Variants in SIM1 observed in about 807,000 individuals in gnomAD.
SIM1 encodes the protein SIM bHLH transcription factor 1.
In SIM1, 18 loss-of-function variants were observed where a neutral mutation model predicts 78.2. The observed-to-expected ratio is 0.23, with a 90% CI of 0.16 to 0.34. The LOEUF (loss-of-function observed/expected upper bound fraction) is 0.34, where lower values mean the gene tolerates loss of function less well. Ranked by LOEUF, SIM1 falls within the 10% of genes least tolerant of loss-of-function variation. The pLI, the probability that SIM1 is intolerant of heterozygous loss-of-function variation, is 1.00. For synonymous variants in SIM1, 417 were observed against 385.2 expected, an observed-to-expected ratio of 1.08 and a Z score of -0.97; for missense variants, 939 against 975.1, an observed-to-expected ratio of 0.96 and a Z score of 0.49.
intron 2 of SIM1, among the ~76,000 whole-genome samples, chr6:100,454,465 A>T (rs1419170318): frequency 6.6e-6 from 1 of 151,340 alleles, no homozygotes; most frequent in Admixed American, 6.6e-5. Context: ...CTTCCTATTC[A>T]TTTCCCCTCC....
chr6:100,448,072 A>T (rs1772408597), intron 8 of SIM1, 74 bp downstream of exon 8: 1 of 1,248,062 alleles, frequency 8.0e-7, no homozygotes, highest in Non-Finnish European at 1.1e-6. Context: ...GAGGGATTTA[A>T]ATCGTGGCTC....
At chr6:100,403,108 A>T (rs1770968335) in intron 10 of SIM1, among the ~76,000 whole-genome samples, 2 of 152,194 alleles carry the variant, frequency 1.3e-5, no homozygotes, top group South Asian at 4.1e-4. Flanking sequence ...AATACTGTGC[A>T]CCTTAATTTA....
intron 2 of SIM1, among the ~76,000 whole-genome samples, chr6:100,461,026 C>G (rs1213760416): frequency 2.0e-5 from 3 of 151,762 alleles, no homozygotes; most frequent in Non-Finnish European, 4.4e-5. Flanking sequence ...ATCCCCTCCT[C>G]CCCATAAACT....
At chr6:100,410,856 G>A (rs1166893061) in intron 10 of SIM1, among the ~76,000 whole-genome samples, 6 of 152,214 alleles carry the variant, frequency 3.9e-5, no homozygotes, top group Admixed American at 2.6e-4. Flanking sequence ...CTCTTCCAGA[G>A]AGCCTGGAAC....
chr6:100,431,427 A>G (rs1307534670), intron 9 of SIM1, among the ~76,000 whole-genome samples: 1 of 152,208 alleles, frequency 6.6e-6, no homozygotes, highest in Non-Finnish European at 1.5e-5. Flanking sequence ...TATTATTTAA[A>G]TGACTAAAAT....
Position 100,417,347 on chromosome 6 carries a change from C to T in SIM1, c.1167+3443G>A, listed in dbSNP as rs561149513. 4.3e-4 allele frequency among the ~76,000 whole-genome samples: 66 copies of T among 152,230 alleles called. No individual in the cohort carries two copies. In the South Asian group the frequency reaches 8.5e-3, roughly 20 times the overall value. On this transcript the variant is annotated intron_variant, in intron 10 of 11. Transcript: ENST00000369208. ...ATAATTTATGACTTCATCTGTACTG[C>T]GAAACTTAAGGATATTTCTTTTACC...
chr6:100,454,236 C>A (rs567849231), intron 2 of SIM1, among the ~76,000 whole-genome samples: 1 of 152,270 alleles, frequency 6.6e-6, no homozygotes, highest in South Asian at 2.1e-4. Context: ...TTTCCCGAGG[C>A]CGAGCTTGTC....
intron 10 of SIM1, among the ~76,000 whole-genome samples, chr6:100,404,877 T>C (rs3798511): frequency 0.076 from 11,646 of 152,272 alleles, 510 homozygotes; most frequent in East Asian, 0.18. Flanking sequence ...ACTATGTGCC[T>C]GTGATAACGT....
At chr6:100,391,351 G>C (rs1770635742) in intron 11 of SIM1, among the ~76,000 whole-genome samples, 1 of 152,122 alleles carries the variant, frequency 6.6e-6, no homozygotes, top group Non-Finnish European at 1.5e-5. Flanking sequence ...GATAAACCTT[G>C]TTCATTGTGA....
intron 2 of SIM1, among the ~76,000 whole-genome samples, chr6:100,461,975 T>C (rs1200215516): frequency 6.6e-6 from 1 of 152,014 alleles, no homozygotes; most frequent in Non-Finnish European, 1.5e-5. Context: ...ACTTGTAGTT[T>C]GAAGGTAGAA....
At chr6:100,454,771 G>T (rs1772603333) in intron 2 of SIM1, among the ~76,000 whole-genome samples, 1 of 152,108 alleles carries the variant, frequency 6.6e-6, no homozygotes, top group Non-Finnish European at 1.5e-5. Flanking sequence ...TCTTGTGGCC[G>T]AGTTTTAAAA....
intron 10 of SIM1, among the ~76,000 whole-genome samples, chr6:100,419,683 C>G (rs1771511576): frequency 1.3e-5 from 2 of 152,068 alleles, no homozygotes; most frequent in Non-Finnish European, 2.9e-5. Context: ...TCACTGTCGC[C>G]CAGCCTGGAG....
At chr6:100,443,161 A>G (rs762773474) in intron 9 of SIM1, among the ~76,000 whole-genome samples, 67 of 152,064 alleles carry the variant, frequency 4.4e-4, no homozygotes, top group Non-Finnish European at 7.9e-4. Context: ...GTAGACAGCA[A>G]ATGTTACATA....
intron 9 of SIM1, among the ~76,000 whole-genome samples, chr6:100,445,854 G>A (rs1234381789): frequency 6.6e-6 from 1 of 152,056 alleles, no homozygotes; most frequent in Non-Finnish European, 1.5e-5. Context: ...CACGGAGGGG[G>A]CTATTTTATG....
At chr6:100,415,438 C>T (rs1181322149) in intron 10 of SIM1, among the ~76,000 whole-genome samples, 1 of 152,070 alleles carries the variant, frequency 6.6e-6, no homozygotes, top group Non-Finnish European at 1.5e-5. Flanking sequence ...GGTAAGATTG[C>T]CACCATACAG....
chr6:100,418,561 A>C (rs574004947), intron 10 of SIM1, among the ~76,000 whole-genome samples: 21 of 152,144 alleles, frequency 1.4e-4, no homozygotes, highest in Non-Finnish European at 2.5e-4. Flanking sequence ...GAGTGAACTA[A>C]TAGAAATGTT....
chr6:100,429,460 C>A (rs1302802430), intron 9 of SIM1, among the ~76,000 whole-genome samples: 1 of 151,376 alleles, frequency 6.6e-6, no homozygotes, highest in African/African-American at 2.4e-5. Flanking sequence ...GAAGAACCAA[C>A]AATAATAGAA....
At chr6:100,428,068 A>T (rs527330299) in intron 9 of SIM1, among the ~76,000 whole-genome samples, 42 of 152,380 alleles carry the variant, frequency 2.8e-4, no homozygotes, top group African/African-American at 9.6e-4. Flanking sequence ...AAGTGAGTTT[A>T]TGTGAGAGAT....
intron 2 of SIM1, among the ~76,000 whole-genome samples, chr6:100,457,448 G>T (rs1413330813): frequency 6.6e-6 from 1 of 152,120 alleles, no homozygotes; most frequent in Non-Finnish European, 1.5e-5. Flanking sequence ...TCAACCAACT[G>T]TGTATCCCTT....
Sources: allele counts gnomAD v4.1 joint callset (sites outside exome capture counted in the v4.1 genomes callset), GRCh38; gene constraint gnomAD v4.1.1; transcripts MANE v1.5; gene names NCBI Gene and HGNC (gene_info 2026-07-23, HGNC 2026-07-21).